Variants in ALPK3 observed in about 807,000 individuals in gnomAD.
ALPK3 encodes alpha-protein kinase 3.
In ALPK3, 102 loss-of-function variants were observed where a neutral mutation model predicts 140.0. That is an observed-to-expected ratio of 0.73 (90% CI 0.62 to 0.86). The LOEUF is 0.86. Ranked by LOEUF, ALPK3 falls within the 40% of genes least tolerant of loss-of-function variation. The pLI is 0.00. For synonymous variants in ALPK3, 938 were observed against 898.5 expected, an observed-to-expected ratio of 1.04 and a Z score of -0.79; for missense variants, 2,254 against 2,208.2, an observed-to-expected ratio of 1.02 and a Z score of -0.42.
intron 7 of ALPK3, 137 bp downstream of exon 7, chr15:84,859,527 A>G (rs1828627178): frequency 1.5e-6 from 2 of 1,331,048 alleles, no homozygotes; most frequent in Non-Finnish European, 2.0e-6. Context: ...TTCCCATAGT[A>G]GAGATGAGAA....
At chr15:84,825,709 T>C (rs1963478781) in intron 2 of ALPK3, among the ~76,000 whole-genome samples, 1 of 152,212 alleles carries the variant, frequency 6.6e-6, no homozygotes, top group Non-Finnish European at 1.5e-5. Flanking sequence ...TGCAGACTCA[T>C]GGAAGTAGGA....
At chr15:84,862,944 C>A (rs1963965956) in intron 10 of ALPK3, 29 bp downstream of exon 10, 7 of 1,598,732 alleles carry the variant, frequency 4.4e-6, no homozygotes, top group Non-Finnish European at 6.0e-6. Context: ...ACACCCCATT[C>A]TTTTATTCTC....
At position 84,868,346 on chromosome 15, in the gene ALPK3, A is replaced by T; in HGVS notation, c.5008A>T (p.Ser1670Cys). 6.2e-7 allele frequency: 1 copy of T among 1,614,062 alleles called. No individual in the cohort carries two copies. The highest frequency in any genetic ancestry group is 1.1e-5 in the South Asian group (1 of 91,086). The change falls in exon 14 of 14, where the codon AGT becomes TGT. Residue 1670 changes from serine (S) to cysteine (C), a missense_variant. Physicochemically the swap from Ser to Cys is moderately radical, Grantham distance 112. Transcript: ENST00000258888. ...CCCTAGTCCTCAGGGCACCCGGAAG[A>T]GTGCTCCAAGTTCCAAGGCCACCCC... ...GLPSPQGTRK[S>C]APSSKATPQA...
In ALPK3 at chr15:84,863,489, G is replaced by A. The variant is rs567458431; in HGVS notation, c.4411-63G>A. 3.0e-5 allele frequency: 43 copies of A among 1,452,206 alleles called. No homozygotes were observed. The African/African-American group carries it at 5.7e-4, about 19-fold the overall frequency. 90.0% of individuals were successfully genotyped at this position (1,452,206 alleles called of 1,614,324 possible). On this transcript the variant is annotated intron_variant, in intron 10 of 13. Transcript: ENST00000258888. ...AGAATAGGTAGCCCACTCACTTAGGGGTAGACACAGTGGAGGACTGAGGAA... is the reference window on the plus strand; with the variant it reads ...AGAATAGGTAGCCCACTCACTTAGGAGTAGACACAGTGGAGGACTGAGGAA...
At chr15:84,821,539 C>T (rs750720012) in intron 1 of ALPK3, among the ~76,000 whole-genome samples, 6 of 152,176 alleles carry the variant, frequency 3.9e-5, no homozygotes, top group Non-Finnish European at 7.3e-5. Flanking sequence ...GTTCTGCCCA[C>T]GCGGCCTCCA....
At chr15:84,852,636 A>G (rs1963818090) in intron 5 of ALPK3, 1 of 223,326 alleles carries the variant, frequency 4.5e-6, no homozygotes, top group Admixed American at 5.1e-5. Flanking sequence ...TCAATTGTTT[A>G]TTTCTGGAAT....
intron 2 of ALPK3, among the ~76,000 whole-genome samples, chr15:84,824,956 C>T (rs1963468610): frequency 6.6e-6 from 1 of 152,174 alleles, no homozygotes; most frequent in African/African-American, 2.4e-5. Flanking sequence ...TTCAGCAGAA[C>T]ATGACAGTAT....
At chr15:84,823,791 G>A (rs1306862403) in intron 2 of ALPK3, among the ~76,000 whole-genome samples, 2 of 152,158 alleles carry the variant, frequency 1.3e-5, no homozygotes, top group Non-Finnish European at 2.9e-5. Context: ...GCTCCCTGTA[G>A]CCTTGAACTC....
Position 84,840,837 on chromosome 15 carries a change from G to T in ALPK3, c.1558G>T (p.Ala520Ser), listed in dbSNP as rs1406456011. The T allele has an allele frequency of 6.2e-7, 1 of 1,614,204 alleles. No homozygotes were observed. ...AQSLGKAPPQ[A>S]SVQVPTPPAR... The stretch of plus-strand genomic sequence containing the variant: ...GAGCTTAGGAAAGGCCCCACCTCAG[G>T]CCTCTGTGCAGGTGCCGACGCCCCC... The change falls in exon 5 of 14, where the codon GCC becomes TCC. Residue 520 changes from alanine to serine, a missense_variant. Physicochemically the swap from Ala to Ser is moderately conservative, Grantham distance 99. This residue lies in a region of ALPK3 where 2,088 missense variants were observed against 2,022.9 expected (regional missense o/e 1.03). Transcript: ENST00000258888.
Position 84,867,448 on chromosome 15 carries a change from C to G in ALPK3, c.4772+83C>G, listed in dbSNP as rs1964014351. ...CCTAAGCCCTTCTGGTTCTCCATCC[C>G]TGAGGTGCTGGGCCTGGGGCCAAGT... On this transcript the variant is annotated intron_variant, in intron 13 of 13. Coordinates refer to ENST00000258888, the MANE Select transcript of ALPK3 (RefSeq NM_020778.5). 10 of 1,535,068 alleles carry G rather than the reference C, an allele frequency of 6.5e-6. 1 individual carries two copies. The South Asian group carries it at 1.0e-4, about 16-fold the overall frequency.
At position 84,858,495 on chromosome 15, in the gene ALPK3, C is replaced by T. The variant is rs368308206; in HGVS notation, c.3757C>T (p.Leu1253=). The T allele has an allele frequency of 3.5e-5, 56 of 1,582,474 alleles. No individual in the cohort carries two copies. The highest frequency in any genetic ancestry group is 1.8e-4 in the Admixed American group (10 of 55,248). The part of the protein sequence containing the change: ...KAGGLDTEVA[L]DEGKQETLAK... ...CGGCGGTCTGGACACAGAGGTGGCC[C>T]TGGATGAAGGCAAGCAGGAGACACT... is the stretch of plus-strand genomic sequence containing the variant. The change falls in exon 6 of 14, where the codon CTG becomes TTG. Residue 1253 remains leucine, a synonymous_variant. Coordinates refer to ENST00000258888, the MANE Select transcript of ALPK3 (RefSeq NM_020778.5).
chr15:84,817,611 G>C lies in ALPK3; in HGVS notation c.143+16G>C, dbSNP rs755612039. The C allele has an allele frequency of 6.7e-7, 1 of 1,487,306 alleles. No homozygotes were observed. The highest frequency in any genetic ancestry group is 1.2e-5 in the South Asian group (1 of 80,454). The allele number at this position is 1,487,306 out of a possible 1,614,324, so 92.1% of individuals were successfully genotyped here. On this transcript the variant is annotated intron_variant, in intron 1 of 13. Transcript: ENST00000258888. Reference sequence around the variant, plus strand: ...CCGAGACCAGGTAAGTGGCACCAAGGGGCAGGGCGGCGTCGGGCCGGCGAT... The same window carrying C: ...CCGAGACCAGGTAAGTGGCACCAAGCGGCAGGGCGGCGTCGGGCCGGCGAT...
Position 84,864,528 on chromosome 15 carries a change from C to T in ALPK3, c.4586C>T (p.Ser1529Phe). ...LEEDLGKPLESYCSREWGCAE... is the reference protein window; with the variant it reads ...LEEDLGKPLEFYCSREWGCAE... ...GAAGACCTGGGCAAGCCCCTGGAGTCTTACTGTTCTCGGGAATGGGGCTGT... is the reference window on the plus strand; with the variant it reads ...GAAGACCTGGGCAAGCCCCTGGAGTTTTACTGTTCTCGGGAATGGGGCTGT... The change falls in exon 12 of 14, where the codon TCT becomes TTT. Residue 1529 changes from serine (S) to phenylalanine (F), a missense_variant. Around this residue, in one of 3 missense-constraint regions of ALPK3, gnomAD observed 2,088 missense variants for 2,022.9 expected, o/e 1.03. Transcript: ENST00000258888. 1 of 1,614,210 alleles carries T rather than the reference C, an allele frequency of 6.2e-7. No individual in the cohort carries two copies. Among genetic ancestry groups the T allele is most frequent in the Admixed American group, 1.7e-5 (1 of 60,018 alleles).
intron 1 of ALPK3, among the ~76,000 whole-genome samples, chr15:84,821,039 T>C (rs183677425): frequency 2.8e-4 from 43 of 152,158 alleles, no homozygotes; most frequent in African/African-American, 9.9e-4. Context: ...TTTTGTGAGA[T>C]GAAGGTGGCA....
intron 2 of ALPK3, among the ~76,000 whole-genome samples, chr15:84,825,083 T>A (rs909124843): frequency 6.6e-6 from 1 of 152,250 alleles, no homozygotes; most frequent in Non-Finnish European, 1.5e-5. Context: ...AACATTTTTT[T>A]ATAATACAGC....
chr15:84,842,126 C>T (rs12441936), intron 5 of ALPK3, among the ~76,000 whole-genome samples: 45,071 of 152,118 alleles, frequency 0.3, 7,271 homozygotes, highest in East Asian at 0.43. Context: ...CTCCGGCTCC[C>T]GGGTTCAAGC....
At chr15:84,861,969 C>G (rs1037264568) in intron 9 of ALPK3, among the ~76,000 whole-genome samples, 4 of 152,158 alleles carry the variant, frequency 2.6e-5, no homozygotes, top group Non-Finnish European at 4.4e-5. Flanking sequence ...CCCAAGGGAG[C>G]CCCTTCAGGT....
At position 84,840,910 on chromosome 15, in the gene ALPK3, C is replaced by T; in HGVS notation, c.1631C>T (p.Ala544Val). Residue 544 changes from alanine to valine, a missense_variant, in exon 5 of 14, where the codon GCA becomes GTA. Ala to Val is a moderately conservative substitution (Grantham distance 64). Coordinates refer to ENST00000258888, the MANE Select transcript of ALPK3 (RefSeq NM_020778.5). ...GTRDSTLQGQAGHRTPGEVLE... is the reference protein window; with the variant it reads ...GTRDSTLQGQVGHRTPGEVLE... ...CGGGACAGCACGTTGCAGGGGCAAGCAGGCCACAGGACTCCAGGAGAGGTA... is the reference window on the plus strand; with the variant it reads ...CGGGACAGCACGTTGCAGGGGCAAGTAGGCCACAGGACTCCAGGAGAGGTA... 1.2e-6 allele frequency: 2 copies of T among 1,603,918 alleles called. No homozygotes were observed. Among genetic ancestry groups the T allele is most frequent in the East Asian group, 2.2e-5 (1 of 44,770 alleles).
intron 9 of ALPK3, among the ~76,000 whole-genome samples, chr15:84,861,403 C>T (rs1013334811): frequency 1.3e-5 from 2 of 151,976 alleles, no homozygotes; most frequent in Non-Finnish European, 2.9e-5. Context: ...CTCACAGGTG[C>T]TGTGTATACC....
Sources: gnomAD v4.1 joint callset for allele counts (sites outside exome capture counted in the v4.1 genomes callset) on GRCh38, gnomAD v4.1.1 for gene constraint, gnomAD v4.1.1 regional missense constraint, MANE v1.5 for transcripts, NCBI Gene and HGNC (gene_info 2026-07-23, HGNC 2026-07-21) for gene names.